The following PAK5 variants were observed in gnomAD, a reference collection of about 807,000 sequenced individuals.
The protein encoded by PAK5 is serine/threonine-protein kinase PAK 5.
PAK5 carries 16 observed loss-of-function variants against 65.9 expected under a neutral mutation model. The ratio of observed to expected loss-of-function variants is 0.24; its 90% confidence interval spans 0.16 to 0.37. The LOEUF is 0.37. Ranked by LOEUF, PAK5 falls within the 10% of genes least tolerant of loss-of-function variation. PAK5 has a pLI of 1.00. For missense variants in PAK5, 785 were observed against 903.9 expected (o/e 0.87, Z 1.69); for synonymous variants, 371 against 354.9 (o/e 1.05, Z -0.51).
intron 2 of PAK5, among the ~76,000 whole-genome samples, chr20:9,679,124 G>A (rs970818801): frequency 6.6e-6 from 1 of 151,956 alleles, no homozygotes; most frequent in African/African-American, 2.4e-5. Flanking sequence ...ATATACAATG[G>A]TCCACTTCCA....
At position 9,580,821 on chromosome 20, in the gene PAK5, G is replaced by GGA. The variant is rs750047672; in HGVS notation, c.313_314insTC (p.Pro105LeufsTer69). ...GGAGGCTCCCTGATCTGGGGTGGGT[G>GGA]GGCTTTCTTTCCTTAGGGAGTTGGA... On this transcript the variant is annotated frameshift_variant, in exon 4 of 10. Coordinates refer to ENST00000353224, the MANE Select transcript of PAK5 (RefSeq NM_177990.4). LOFTEE classifies it high-confidence loss of function. 79 of 1,613,828 alleles carry GGA rather than the reference G, an allele frequency of 4.9e-5. No individual in the cohort carries two copies. Among genetic ancestry groups the GGA allele is most frequent in the Non-Finnish European group, 3.8e-5 (45 of 1,179,970 alleles).
chr20:9,751,453 A>T (rs1029606442), intron 1 of PAK5, among the ~76,000 whole-genome samples: 6 of 152,158 alleles, frequency 3.9e-5, no homozygotes, highest in African/African-American at 1.4e-4. Context: ...ATAAAAGGAA[A>T]TCAAAAGCAC....
intron 2 of PAK5, among the ~76,000 whole-genome samples, chr20:9,694,040 TTAGC>T (rs1186898291): frequency 6.6e-6 from 1 of 152,060 alleles, no homozygotes; most frequent in Non-Finnish European, 1.5e-5. Context: ...AAGATCTCTA[TTAGC>T]TAGATGACAT....
chr20:9,753,322 TG>T (rs1445575186), intron 1 of PAK5, among the ~76,000 whole-genome samples: 1 of 152,186 alleles, frequency 6.6e-6, no homozygotes, highest in South Asian at 2.1e-4. Flanking sequence ...AGTTTGCATT[TG>T]TTTTTTTGAT....
At chr20:9,552,706 A>T (rs1359370362) in intron 7 of PAK5, among the ~76,000 whole-genome samples, 1 of 125,590 alleles carries the variant, frequency 8.0e-6, no homozygotes, top group African/African-American at 3.2e-5. Flanking sequence ...AACTTTAAAA[A>T]ATTTTTAAAA....
intron 2 of PAK5, among the ~76,000 whole-genome samples, chr20:9,689,221 G>A (rs2047760405): frequency 2.0e-5 from 3 of 152,196 alleles, no homozygotes; most frequent in African/African-American, 7.2e-5. Context: ...GAAACCGTGG[G>A]AGGTTCTGTC....
chr20:9,804,256 A>G (rs556342057), intron 1 of PAK5, among the ~76,000 whole-genome samples: 4 of 152,332 alleles, frequency 2.6e-5, no homozygotes, highest in Admixed American at 2.6e-4. Flanking sequence ...TGCTTATGAT[A>G]AAATACAGAT....
At chr20:9,650,212 T>C (rs1424768109) in intron 2 of PAK5, among the ~76,000 whole-genome samples, 2 of 152,218 alleles carry the variant, frequency 1.3e-5, no homozygotes, top group African/African-American at 4.8e-5. Flanking sequence ...GTTGCTTCCA[T>C]GATAGACAAG....
intron 2 of PAK5, among the ~76,000 whole-genome samples, chr20:9,684,520 T>C (rs2047692505): frequency 6.6e-6 from 1 of 152,236 alleles, no homozygotes; most frequent in Admixed American, 6.5e-5. Context: ...GCCAGTTTTC[T>C]TTATTATGAA....
intron 6 of PAK5, among the ~76,000 whole-genome samples, chr20:9,557,952 G>T (rs1314827575): frequency 6.6e-6 from 1 of 152,170 alleles, no homozygotes; most frequent in Non-Finnish European, 1.5e-5. Flanking sequence ...TCAAAGGAAA[G>T]AGATCACTAT....
At chr20:9,722,463 T>C (rs534209010) in intron 1 of PAK5, among the ~76,000 whole-genome samples, 1 of 151,476 alleles carries the variant, frequency 6.6e-6, no homozygotes, top group African/African-American at 2.4e-5. Context: ...CTACAAAAAA[T>C]TAGCTGGGCA....
intron 3 of PAK5, among the ~76,000 whole-genome samples, chr20:9,622,923 T>C (rs938182001): frequency 5.3e-5 from 8 of 152,226 alleles, no homozygotes; most frequent in African/African-American, 1.9e-4. Flanking sequence ...TCTCTCTCTT[T>C]ATTGAATTAA....
chr20:9,587,470 C>T (rs1339498540), intron 3 of PAK5, among the ~76,000 whole-genome samples: 3 of 151,944 alleles, frequency 2.0e-5, no homozygotes, highest in Non-Finnish European at 4.4e-5. Context: ...GAAAAATTAA[C>T]CAAGTTAGAC....
chr20:9,571,346 G>A (rs2122966049), intron 4 of PAK5, among the ~76,000 whole-genome samples: 1 of 152,296 alleles, frequency 6.6e-6, no homozygotes, highest in East Asian at 1.9e-4. Context: ...AACAGGTCTT[G>A]TTCTTTTTAT....
chr20:9,817,782 T>A (rs1220697492), intron 1 of PAK5, among the ~76,000 whole-genome samples: 2 of 152,178 alleles, frequency 1.3e-5, no homozygotes, highest in Non-Finnish European at 1.5e-5. Context: ...ATCCAATCTC[T>A]TACCCATTAC....
chr20:9,795,473 T>C (rs989029874), intron 1 of PAK5, among the ~76,000 whole-genome samples: 5 of 152,058 alleles, frequency 3.3e-5, no homozygotes, highest in African/African-American at 4.8e-5. Context: ...CCAACCATAA[T>C]CTCACCACTG....
intron 1 of PAK5, among the ~76,000 whole-genome samples, chr20:9,780,787 T>A (rs2048933125): frequency 6.6e-6 from 1 of 152,188 alleles, no homozygotes; most frequent in Non-Finnish European, 1.5e-5. Flanking sequence ...GAATGTTAAG[T>A]AGACAGAGAT....
chr20:9,834,432 C>T (rs1978987417), intron 1 of PAK5, among the ~76,000 whole-genome samples: 1 of 152,052 alleles, frequency 6.6e-6, no homozygotes, highest in African/African-American at 2.4e-5. Flanking sequence ...AGAAACACAC[C>T]AGGAACTTGT....
intron 2 of PAK5, among the ~76,000 whole-genome samples, chr20:9,706,694 G>T (rs1185314733): frequency 6.6e-6 from 1 of 151,242 alleles, no homozygotes; most frequent in Non-Finnish European, 1.5e-5. Flanking sequence ...GTTTTGTAGA[G>T]ATGGGGTTTC....
Sources: gnomAD v4.1 joint callset for allele counts (sites outside exome capture counted in the v4.1 genomes callset) on GRCh38, gnomAD v4.1.1 for gene constraint, MANE v1.5 for transcripts, NCBI Gene and HGNC (gene_info 2026-07-23, HGNC 2026-07-21) for gene names.